The following HSD3B1 variants were observed in gnomAD, a reference collection of about 807,000 sequenced individuals.
HSD3B1 encodes the protein 3 beta-hydroxysteroid dehydrogenase/Delta 5-->4-isomerase type 1.
A neutral mutation model predicts 10.4 loss-of-function variants in HSD3B1; 11 were observed. That is an observed-to-expected ratio of 1.05 (90% CI 0.66 to 1.75). The LOEUF is 1.75. HSD3B1 is among the 40% of genes most tolerant of loss of function. HSD3B1 has a pLI of 0.00. For missense variants in HSD3B1, 490 were observed against 454.5 expected (o/e 1.08, Z -0.71); for synonymous variants, 217 against 185.4 (o/e 1.17, Z -1.39).
chr1:119,508,183 T>G (rs1438342513), intron 2 of HSD3B1, among the ~76,000 whole-genome samples: 1 of 146,044 alleles, frequency 6.8e-6, no homozygotes, highest in Admixed American at 6.8e-5. Flanking sequence ...GGAGAGAGAG[T>G]CGGGGAGAGA....
chr1:119,510,717 CTTTTTTTTTTTTT>C (rs962978657), intron 2 of HSD3B1, among the ~76,000 whole-genome samples: 75 of 54,168 alleles, frequency 1.4e-3, no homozygotes, highest in East Asian at 0.011. Context: ...GTGTGGTTTT[CTTTTTTTTTTTTT>C]TTTTTTTTTT....
chr1:119,512,501 G>A (rs773437572), intron 3 of HSD3B1, among the ~76,000 whole-genome samples: 4 of 151,892 alleles, frequency 2.6e-5, no homozygotes, highest in Admixed American at 6.6e-5. Context: ...CCCAAACCCC[G>A]GCCTGGCCCT....
At chr1:119,507,781 TG>T (rs1488512343) in intron 2 of HSD3B1, 160 bp downstream of exon 2, 31 of 708,070 alleles carry the variant, frequency 4.4e-5, no homozygotes, top group Non-Finnish European at 7.3e-5. Context: ...TAGTATAAAA[TG>T]GCATAGTATG....
chr1:119,508,782 A>C (rs1653859168), intron 2 of HSD3B1, among the ~76,000 whole-genome samples: 1 of 152,078 alleles, frequency 6.6e-6, no homozygotes, highest in Non-Finnish European at 1.5e-5. Flanking sequence ...AGAATCCCCC[A>C]CTTGACAGCA....
In HSD3B1 at chr1:119,507,677, G is replaced by C. The variant is rs6671149; in HGVS notation, c.145+56G>C. The stretch of plus-strand genomic sequence containing the variant: ...TCCATCTTAAACACTGCATGTATGT[G>C]GGGGGAGATGGACCTTGTCTAGCAA... On this transcript the variant is annotated intron_variant, in intron 2 of 3. Coordinates refer to ENST00000369413, the MANE Select transcript of HSD3B1 (RefSeq NM_000862.3). The C allele has an allele frequency of 2.8e-4, 435 of 1,550,430 alleles. 1 individual carries two copies. In the African/African-American group the frequency reaches 5.2e-3, roughly 18 times the overall value.
rs998640807 is a variant in HSD3B1, at chr1:119,511,381, C to T, written c.146-122C>T. Reference sequence around the variant, plus strand: ...TTACTTGTTCTTTCCGTAGAATGTACACCCTCCACTCTAACACCCTACTCT... The same window carrying T: ...TTACTTGTTCTTTCCGTAGAATGTATACCCTCCACTCTAACACCCTACTCT... On this transcript the variant is annotated intron_variant, in intron 2 of 3. Transcript: ENST00000369413. 1.2e-5 allele frequency: 10 copies of T among 868,152 alleles called. No individual in the cohort carries two copies. The African/African-American group carries it at 1.5e-4, about 13-fold the overall frequency. 53.8% of individuals were successfully genotyped at this position (868,152 alleles called of 1,614,324 possible).
chr1:119,511,677 G>T lies in HSD3B1; in HGVS notation c.310+10G>T. 2 of 1,604,680 alleles carry T rather than the reference G, an allele frequency of 1.2e-6. No individual in the cohort carries two copies. Among genetic ancestry groups the T allele is most frequent in the Non-Finnish European group, 8.5e-7 (1 of 1,176,616 alleles). On this transcript the variant is annotated intron_variant, in intron 3 of 3. Transcript: ENST00000369413. ...AATGTCAATGTGAAAGGTATGGTAG[G>T]CTGGGGAGGAGATGCAGCAAGGTGG... is the stretch of plus-strand genomic sequence containing the variant.
intron 2 of HSD3B1, among the ~76,000 whole-genome samples, chr1:119,509,841 G>A (rs1653886020): frequency 6.6e-6 from 1 of 152,150 alleles, no homozygotes; most frequent in Non-Finnish European, 1.5e-5. Context: ...CAGTTAAACT[G>A]GCTTATTCTT....
At chr1:119,510,377 A>G (rs920415673) in intron 2 of HSD3B1, among the ~76,000 whole-genome samples, 1 of 152,302 alleles carries the variant, frequency 6.6e-6, no homozygotes, top group Non-Finnish European at 1.5e-5. Context: ...ACAATTCCTG[A>G]GTAATGACTC....
intron 3 of HSD3B1, among the ~76,000 whole-genome samples, chr1:119,512,238 T>C (rs1259238400): frequency 6.6e-6 from 1 of 152,180 alleles, no homozygotes; most frequent in Non-Finnish European, 1.5e-5. Context: ...ACAATATTTT[T>C]TTAACAGTGA....
At chr1:119,508,734 G>A (rs776453553) in intron 2 of HSD3B1, among the ~76,000 whole-genome samples, 1 of 152,058 alleles carries the variant, frequency 6.6e-6, no homozygotes, top group Non-Finnish European at 1.5e-5. Flanking sequence ...GTCTACATGT[G>A]GGCTCTGGCT....
chr1:119,512,261 A>G (rs67392954), intron 3 of HSD3B1, among the ~76,000 whole-genome samples: 5,708 of 152,284 alleles, frequency 0.037, 357 homozygotes, highest in African/African-American at 0.13. Flanking sequence ...TTTTTCCAGT[A>G]TCAAGAATAC....
In HSD3B1 at chr1:119,507,538, G is replaced by T; in HGVS notation, c.62G>T (p.Arg21Leu). 1 of 1,613,932 alleles carries T rather than the reference G, an allele frequency of 6.2e-7. No individual in the cohort carries two copies. Among genetic ancestry groups the T allele is most frequent in the East Asian group, 2.2e-5 (1 of 44,856 alleles). ...GGGTTTCTGGGACAGAGGATCATCCGCCTCTTGGTGAAGGAGAAGGAGCTG... is the reference window on the plus strand; with the variant it reads ...GGGTTTCTGGGACAGAGGATCATCCTCCTCTTGGTGAAGGAGAAGGAGCTG... ...AGGFLGQRII[R>L]LLVKEKELKE... Residue 21 changes from arginine to leucine, a missense_variant, in exon 2 of 4, where the codon CGC (arginine) becomes CTC (leucine). By Grantham distance (102) the Arg-to-Leu change is moderately radical. Transcript: ENST00000369413.
chr1:119,509,173 G>T (rs1004896259), intron 2 of HSD3B1, among the ~76,000 whole-genome samples: 1 of 152,034 alleles, frequency 6.6e-6, no homozygotes. Context: ...AAGATGAGGA[G>T]ATAGAAACAG....
Position 119,511,858 on chromosome 1 carries a change from A to G in HSD3B1, c.310+191A>G, listed in dbSNP as rs915651724. 1.2e-5 allele frequency: 7 copies of G among 591,648 alleles called. No individual in the cohort carries two copies. The African/African-American group carries it at 1.3e-4, about 11-fold the overall frequency. The allele number at this position is 591,648 out of a possible 1,614,324, so 36.6% of individuals were successfully genotyped here. On this transcript the variant is annotated intron_variant, in intron 3 of 3. Transcript: ENST00000369413. The stretch of plus-strand genomic sequence containing the variant: ...TTTAGATGATAAAACTAGGACTGAG[A>G]GAGGGCAAGTAACTTGTCCAAGGTC...
chr1:119,510,770 T>A (rs1437057268), intron 2 of HSD3B1, among the ~76,000 whole-genome samples: 1 of 127,250 alleles, frequency 7.9e-6, no homozygotes, highest in Non-Finnish European at 1.6e-5. Flanking sequence ...AAGGTGGTCT[T>A]GCTCTACCAC....
At chr1:119,513,762 A>G (rs2101464112) in intron 3 of HSD3B1, 72 bp from the exon 4 acceptor site, 2 of 1,425,914 alleles carry the variant, frequency 1.4e-6, no homozygotes, top group East Asian at 4.6e-5. Flanking sequence ...GGTGGGGCAC[A>G]TAGATCTGTG....
chr1:119,511,401 T>C lies in HSD3B1; in HGVS notation c.146-102T>C, dbSNP rs142801778. On this transcript the variant is annotated intron_variant, in intron 2 of 3. Coordinates refer to ENST00000369413, the MANE Select transcript of HSD3B1 (RefSeq NM_000862.3). ...ATGTACACCCTCCACTCTAACACCCTACTCTAACCATCCTTGAACACCTAT... is the reference window on the plus strand; with the variant it reads ...ATGTACACCCTCCACTCTAACACCCCACTCTAACCATCCTTGAACACCTAT... 1.2e-4 allele frequency: 145 copies of C among 1,161,652 alleles called. No homozygotes were observed. In the African/African-American group the frequency reaches 2.1e-3, roughly 17 times the overall value. The allele number at this position is 1,161,652 out of a possible 1,614,324, so 72.0% of individuals were successfully genotyped here.
intron 2 of HSD3B1, among the ~76,000 whole-genome samples, chr1:119,509,546 G>A (rs1275602668): frequency 6.6e-6 from 1 of 152,212 alleles, no homozygotes; most frequent in Non-Finnish European, 1.5e-5. Context: ...CAAAGAAGAA[G>A]CAGAGGAAGG....
Sources: gnomAD v4.1 joint callset for allele counts (sites outside exome capture counted in the v4.1 genomes callset) on GRCh38, gnomAD v4.1.1 for gene constraint, MANE v1.5 for transcripts, NCBI Gene and HGNC (gene_info 2026-07-23, HGNC 2026-07-21) for gene names.